The following ADAMTS6 variants were observed in gnomAD, a reference collection of about 807,000 sequenced individuals.
ADAMTS6 encodes the protein A disintegrin and metalloproteinase with thrombospondin motifs 6.
ADAMTS6 carries 23 observed loss-of-function variants against 144.3 expected under a neutral mutation model. That is an observed-to-expected ratio of 0.16 (90% CI 0.11 to 0.23). ADAMTS6 has a LOEUF of 0.23. Ranked by LOEUF, ADAMTS6 falls within the 10% of genes least tolerant of loss-of-function variation. The pLI, the probability that ADAMTS6 is intolerant of heterozygous loss-of-function variation, is 1.00. For synonymous variants in ADAMTS6, 444 were observed against 457.5 expected, an observed-to-expected ratio of 0.97 and a Z score of 0.38; for missense variants, 999 against 1,379.6, an observed-to-expected ratio of 0.72 and a Z score of 4.37.
At chr5:65,363,180 C>T (rs76516597) in intron 7 of ADAMTS6, among the ~76,000 whole-genome samples, 16 of 152,082 alleles carry the variant, frequency 1.1e-4, no homozygotes, top group South Asian at 2.1e-4. Context: ...ATAATTCTCA[C>T]GTAAATAAAA....
chr5:65,405,317 T>G (rs561469547), intron 7 of ADAMTS6, among the ~76,000 whole-genome samples: 7 of 152,312 alleles, frequency 4.6e-5, no homozygotes, highest in African/African-American at 1.7e-4. Context: ...TGAATTAATT[T>G]TTATATAAGG....
chr5:65,296,158 TAAC>T lies in ADAMTS6; in HGVS notation c.1370+3824_1370+3826del, dbSNP rs1240022608. ...CCCTGTATATATCTTAACAGTCTCT[TAAC>T]AACAACAACAAAAAGTTAACACTTA... On this transcript the variant is annotated intron_variant, in intron 10 of 24. Transcript: ENST00000381055. Among the ~76,000 whole-genome samples the T allele has an allele frequency of 1.2e-4, 19 of 152,248 alleles. No homozygotes were observed. In the East Asian group the frequency reaches 3.3e-3, roughly 26 times the overall value.
Position 65,390,126 on chromosome 5 carries a change from A to G in ADAMTS6, c.1074-56041T>C, listed in dbSNP as rs145045045. Among the ~76,000 whole-genome samples the G allele has an allele frequency of 5.5e-4, 84 of 152,326 alleles. 1 individual carries two copies. In the East Asian group the frequency reaches 0.011, roughly 20 times the overall value. ...TTTATTCATTTATATATGGCCTGTC[A>G]CTTTTTCACAATTTGATACAAGCAT... On this transcript the variant is annotated intron_variant, in intron 7 of 24. Coordinates refer to ENST00000381055, the MANE Select transcript of ADAMTS6 (RefSeq NM_197941.4).
rs1749371876 is a variant in ADAMTS6, at chr5:65,356,894, T to C, written c.1074-22809A>G. ...CCTCTACTTTCCTTCTATACCTCAA[T>C]TCTGTTTTATTTAGCTTCTTATTTT... On this transcript the variant is annotated intron_variant, in intron 7 of 24. Coordinates refer to ENST00000381055, the MANE Select transcript of ADAMTS6 (RefSeq NM_197941.4). 2.0e-5 allele frequency among the ~76,000 whole-genome samples: 3 copies of C among 151,836 alleles called. No individual in the cohort carries two copies. The South Asian group carries it at 6.2e-4, about 31-fold the overall frequency.
intron 21 of ADAMTS6, among the ~76,000 whole-genome samples, chr5:65,190,924 A>G (rs1580002956): frequency 6.6e-6 from 1 of 151,964 alleles, no homozygotes; most frequent in Non-Finnish European, 1.5e-5. Flanking sequence ...TGCTTGTCTC[A>G]GTTTCTCCAC....
rs1354101658 is a variant in ADAMTS6 at position 65,452,931 on chromosome 5, C to G, written c.632-13G>C. The G allele has an allele frequency of 6.2e-7, 1 of 1,603,470 alleles. No individual in the cohort carries two copies. The highest frequency in any genetic ancestry group is 1.7e-5 in the Admixed American group (1 of 59,838). ...CTTCTTGTGAAATCTACAATAAAAG[C>G]AGCCAATTCAGATAGGTTCACTAAT... On this transcript the variant is annotated splice_polypyrimidine_tract_variant and intron_variant, in intron 4 of 24. Transcript: ENST00000381055.
chr5:65,247,087 C>T lies in ADAMTS6; in HGVS notation c.1831-4881G>A, dbSNP rs562526434. ...TTAAAGTAAAAGCCTGACAGATTTT[C>T]AGCCTTCTAGTGCTAACACTCACCA... On this transcript the variant is annotated intron_variant, in intron 14 of 24. Transcript: ENST00000381055. Among the ~76,000 whole-genome samples, 17 of 152,306 alleles carry T rather than the reference C, an allele frequency of 1.1e-4. No homozygotes were observed. In the South Asian group the frequency reaches 3.5e-3, roughly 32 times the overall value.
intron 7 of ADAMTS6, among the ~76,000 whole-genome samples, chr5:65,335,232 A>T (rs1747192327): frequency 1.3e-5 from 2 of 152,108 alleles, no homozygotes; most frequent in African/African-American, 4.8e-5. Flanking sequence ...TGCTCATTTT[A>T]CATTTGAGGA....
Position 65,262,922 on chromosome 5 carries a change from G to A in ADAMTS6, c.1661C>T (p.Pro554Leu), listed in dbSNP as rs151014494. ...ACCCCAGCCCCCATCTATGCTCTGG[G>A]GCCAAGTGCCAAAAGGAACACAATC... ...QGDCVPFGTW[P>L]QSIDGGWGPW... The change falls in exon 13 of 25, where the codon CCC (proline) becomes CTC (leucine). Residue 554 changes from proline (P) to leucine (L), a missense_variant. By Grantham distance (98) the Pro-to-Leu change is moderately conservative. Transcript: ENST00000381055. 6.8e-6 allele frequency: 11 copies of A among 1,613,386 alleles called. No homozygotes were observed. In the African/African-American group the frequency reaches 1.5e-4, roughly 22 times the overall value.
chr5:65,219,629 A>C (rs1757170203), intron 18 of ADAMTS6, among the ~76,000 whole-genome samples: 1 of 152,184 alleles, frequency 6.6e-6, no homozygotes, highest in African/African-American at 2.4e-5. Context: ...GGCTGATCTC[A>C]AACTCCTAAG....
intron 7 of ADAMTS6, among the ~76,000 whole-genome samples, chr5:65,409,712 C>A (rs1754888383): frequency 6.6e-6 from 1 of 152,134 alleles, no homozygotes. Context: ...AATTTTAGAC[C>A]AATATCCCTG....
rs1752092704 is a variant in ADAMTS6 at position 65,150,468 on chromosome 5, T to G, written c.*1368A>C. ...GTCATTTTAATTTAGGTGGATGTGA[T>G]TCCAGAATTTGACTTGCCCAAGAAA... On this transcript the variant is annotated 3_prime_UTR_variant, in exon 25 of 25. Transcript: ENST00000381055. 1 of 152,666 alleles carries G rather than the reference T, an allele frequency of 6.6e-6. No individual in the cohort carries two copies. The highest frequency in any genetic ancestry group is 1.5e-5 in the Non-Finnish European group (1 of 68,044). The allele number at this position is 152,666 out of a possible 1,614,324, so 9.5% of individuals were successfully genotyped here.
intron 7 of ADAMTS6, among the ~76,000 whole-genome samples, chr5:65,336,548 A>G (rs1044143124): frequency 1.3e-4 from 20 of 152,040 alleles, no homozygotes; most frequent in Non-Finnish European, 2.9e-4. Context: ...AATGGTTTGG[A>G]GTATTAGGGT....
chr5:65,184,229 A>G (rs1351088522), intron 22 of ADAMTS6, among the ~76,000 whole-genome samples: 1 of 152,248 alleles, frequency 6.6e-6, no homozygotes, highest in African/African-American at 2.4e-5. Context: ...ATTTTGCAGA[A>G]AAAGTATTTG....
chr5:65,274,674 G>A (rs953405807), intron 11 of ADAMTS6, among the ~76,000 whole-genome samples: 1 of 149,442 alleles, frequency 6.7e-6, no homozygotes, highest in African/African-American at 2.5e-5. Context: ...GTCTATTAAG[G>A]TTTTTGTTTG....
In ADAMTS6 at chr5:65,350,104, G is replaced by GATGA. The variant is rs150835188; in HGVS notation, c.1074-16023_1074-16020dup. 9.0e-3 allele frequency among the ~76,000 whole-genome samples: 1,376 copies of GATGA among 152,266 alleles called. 22 individuals carry two copies. Among genetic ancestry groups the GATGA allele is most frequent in the African/African-American group, 0.031 (1,298 of 41,536 alleles). On this transcript the variant is annotated intron_variant, in intron 7 of 24. Transcript: ENST00000381055. The stretch of plus-strand genomic sequence containing the variant: ...AGCTACTAGAATGATAAGTGCATCA[G>GATGA]ATGAATGCCCTTTGAGCTCTTTGAT...
chr5:65,344,629 A>G (rs111685699), intron 7 of ADAMTS6, among the ~76,000 whole-genome samples: 6 of 151,972 alleles, frequency 3.9e-5, no homozygotes, highest in African/African-American at 1.4e-4. Flanking sequence ...ATATTTTTAT[A>G]TATTTGTCTG....
intron 7 of ADAMTS6, among the ~76,000 whole-genome samples, chr5:65,344,334 C>T (rs10066284): frequency 0.57 from 86,873 of 151,562 alleles, 26,333 homozygotes; most frequent in African/African-American, 0.78. Context: ...TTTCATTGTT[C>T]TGTCACTAAA....
At chr5:65,302,164 TTA>T (rs1241302780) in intron 9 of ADAMTS6, among the ~76,000 whole-genome samples, 7 of 144,540 alleles carry the variant, frequency 4.8e-5, no homozygotes, top group East Asian at 2.0e-4. Context: ...TAATATATAT[TTA>T]TATGATATTA....
Sources: gnomAD v4.1 joint callset for allele counts (sites outside exome capture counted in the v4.1 genomes callset) on GRCh38, gnomAD v4.1.1 for gene constraint, MANE v1.5 for transcripts, NCBI Gene and HGNC (gene_info 2026-07-23, HGNC 2026-07-21) for gene names.